Variants in NDC80 observed in about 807,000 individuals in gnomAD.
NDC80 encodes the protein kinetochore protein NDC80 homolog.
In NDC80, 69 loss-of-function variants were observed where a neutral mutation model predicts 89.3. The observed-to-expected ratio is 0.77, with a 90% confidence interval of 0.64 to 0.94. The LOEUF is 0.94. NDC80 is among the 40% of genes least tolerant of loss of function. NDC80 has a pLI of 0.00. For missense variants in NDC80, 593 were observed against 739.6 expected, an observed-to-expected ratio of 0.80 and a Z score of 2.30; for synonymous variants, 243 against 255.6, an observed-to-expected ratio of 0.95 and a Z score of 0.47.
chr18:2,573,651 A>G (rs924080190), intron 2 of NDC80, among the ~76,000 whole-genome samples: 5 of 152,230 alleles, frequency 3.3e-5, no homozygotes, highest in African/African-American at 7.2e-5. Context: ...GTAGAGCTGT[A>G]TAATTCTTCT....
chr18:2,584,797 T>A (rs1311655438), intron 6 of NDC80, among the ~76,000 whole-genome samples: 1 of 152,222 alleles, frequency 6.6e-6, no homozygotes, highest in Non-Finnish European at 1.5e-5. Flanking sequence ...TTGCACTTAC[T>A]GGGTTAATAA....
intron 13 of NDC80, among the ~76,000 whole-genome samples, chr18:2,605,085 A>G (rs2072703027): frequency 6.6e-6 from 1 of 152,160 alleles, no homozygotes; most frequent in African/African-American, 2.4e-5. Flanking sequence ...CAAGAAAGAA[A>G]TCAAGAATGC....
chr18:2,585,647 T>C (rs1168609265), intron 7 of NDC80, among the ~76,000 whole-genome samples: 1 of 152,084 alleles, frequency 6.6e-6, no homozygotes, highest in Admixed American at 6.5e-5. Flanking sequence ...TAGAGTTGTT[T>C]TTTTGCTTCC....
At chr18:2,608,373 T>C (rs1286284786) in intron 14 of NDC80, among the ~76,000 whole-genome samples, 4 of 151,662 alleles carry the variant, frequency 2.6e-5, no homozygotes, top group Non-Finnish European at 5.9e-5. Flanking sequence ...GCCCAACTAA[T>C]TTTTGTATTT....
At position 2,614,556 on chromosome 18, in the gene NDC80, GAAGGA is replaced by G. The variant is rs1241734271; in HGVS notation, c.1792-1879_1792-1875del. 21 of 3,738 alleles carry G rather than the reference GAAGGA, an allele frequency of 5.6e-3. 9 individuals are homozygous for G. The highest frequency in any genetic ancestry group is 0.034 in the African/African-American group (20 of 590). 0.2% of individuals were successfully genotyped at this position (3,738 alleles called of 1,614,324 possible). A position where few individuals can be genotyped will look rare whatever the true frequency, so the allele number is the denominator to read the frequency against. On this transcript the variant is annotated intron_variant, in intron 16 of 16. Transcript: ENST00000261597. ...GGAAGGAAGGAAGGAAGGAAGGAAG[GAAGGA>G]AGGGAAAGAAAGAAAGAAAGAAAGA...
At chr18:2,573,240 A>T (rs1334868929) in intron 2 of NDC80, among the ~76,000 whole-genome samples, 154 bp downstream of exon 2, 1 of 152,216 alleles carries the variant, frequency 6.6e-6, no homozygotes, top group Non-Finnish European at 1.5e-5. Flanking sequence ...ATGAAATCTA[A>T]AAGTGGGCAT....
At chr18:2,610,915 T>C in intron 16 of NDC80, 54 bp downstream of exon 16, 1 of 1,101,312 alleles carries the variant, frequency 9.1e-7, no homozygotes, top group Non-Finnish European at 1.3e-6. Flanking sequence ...AAAACTTTGA[T>C]ACATTTCTGC....
At chr18:2,592,071 A>G (rs933276447) in intron 10 of NDC80, among the ~76,000 whole-genome samples, 2 of 152,078 alleles carry the variant, frequency 1.3e-5, no homozygotes, top group African/African-American at 4.8e-5. Flanking sequence ...AATACTTTCT[A>G]ATACTAATAC....
chr18:2,573,095 T>C lies in NDC80; in HGVS notation c.101+9T>C. 1 of 1,599,824 alleles carries C rather than the reference T, an allele frequency of 6.3e-7. No individual in the cohort carries two copies. Among genetic ancestry groups the C allele is most frequent in the Admixed American group, 1.7e-5 (1 of 57,882 alleles). ...CTCTATACCCCTCAAACGTGAGTAT[T>C]TCCCTTGTGGTTCTAATTTGCATGC... On this transcript the variant is annotated intron_variant, in intron 2 of 16. Transcript: ENST00000261597.
At chr18:2,610,510 C>T (rs1269061527) in intron 15 of NDC80, among the ~76,000 whole-genome samples, 2 of 152,174 alleles carry the variant, frequency 1.3e-5, no homozygotes, top group East Asian at 1.9e-4. Flanking sequence ...TACAACCCTT[C>T]GCTCCAAAGC....
At chr18:2,595,387 A>G (rs1458775491) in intron 10 of NDC80, 29 bp from the exon 11 acceptor site, 1 of 1,563,608 alleles carries the variant, frequency 6.4e-7, no homozygotes, top group Non-Finnish European at 8.8e-7. Context: ...TTGAAGATAC[A>G]TTAAAAATTT....
At chr18:2,584,709 A>G (rs572698273) in intron 6 of NDC80, among the ~76,000 whole-genome samples, 1 of 152,308 alleles carries the variant, frequency 6.6e-6, no homozygotes, top group South Asian at 2.1e-4. Flanking sequence ...CTCAAAGAGA[A>G]AAATTATTAT....
intron 3 of NDC80, among the ~76,000 whole-genome samples, chr18:2,575,772 A>G (rs572960152): frequency 2.0e-5 from 3 of 152,282 alleles, no homozygotes; most frequent in Admixed American, 6.5e-5. Flanking sequence ...AAAAAATACA[A>G]TGATTAGCCG....
rs78428884 is a variant in NDC80, at chr18:2,573,995, G to A, written c.101+909G>A. Among the ~76,000 whole-genome samples, 586 of 152,082 alleles carry A rather than the reference G, an allele frequency of 3.9e-3. 9 individuals carry two copies. In the East Asian group the frequency reaches 0.041, roughly 11 times the overall value. On this transcript the variant is annotated intron_variant, in intron 2 of 16. Transcript: ENST00000261597. ...ATAATGGAAATCATAATGTAGATAG[G>A]GTTTTTGTTCTGCAGAGAAGCAAAA...
intron 16 of NDC80, chr18:2,614,564 GGAAAGAAAGAAA>G (rs1182756541): frequency 1.7e-3 from 7 of 4,078 alleles, no homozygotes; most frequent in Non-Finnish European, 3.2e-3. Flanking sequence ...AGGAAGGAAG[GGAAAGAAAGAAA>G]GAAAGAAAGA....
intron 7 of NDC80, among the ~76,000 whole-genome samples, chr18:2,586,364 T>C (rs1185547581): frequency 6.6e-6 from 1 of 152,156 alleles, no homozygotes; most frequent in Non-Finnish European, 1.5e-5. Flanking sequence ...CCTCCCACAT[T>C]GCAATATGTA....
chr18:2,589,146 G>A, intron 8 of NDC80, 58 bp from the exon 9 acceptor site: 1 of 1,136,550 alleles, frequency 8.8e-7, no homozygotes, highest in Non-Finnish European at 1.3e-6. Flanking sequence ...TGAAAACTTG[G>A]GAAAGAATGT....
At chr18:2,616,388 AAAG>A in intron 16 of NDC80, 46 bp from the exon 17 acceptor site, 1 of 1,279,144 alleles carries the variant, frequency 7.8e-7, no homozygotes, top group Non-Finnish European at 1.1e-6. Context: ...AAACATTTTA[AAAG>A]AAATTAATTT....
At chr18:2,616,037 T>A (rs1442049507) in intron 16 of NDC80, among the ~76,000 whole-genome samples, 1 of 152,204 alleles carries the variant, frequency 6.6e-6, no homozygotes, top group Non-Finnish European at 1.5e-5. Flanking sequence ...TTTTTACTTT[T>A]TTTTTGGAGA....
Sources: gnomAD v4.1 joint callset for allele counts (sites outside exome capture counted in the v4.1 genomes callset) on GRCh38, gnomAD v4.1.1 for gene constraint, MANE v1.5 for transcripts, NCBI Gene and HGNC (gene_info 2026-07-23, HGNC 2026-07-21) for gene names.